ERAP2: variants seen among roughly 807,000 people sequenced by gnomAD.
The protein encoded by ERAP2 is leukocyte-derived arginine aminopeptidase.
Under a neutral mutation model 111.1 loss-of-function variants are expected in ERAP2, and 118 were observed. That is an observed-to-expected ratio of 1.06 (90% confidence interval 0.92 to 1.24). ERAP2 has a LOEUF of 1.24. ERAP2 is among the 50% of genes most tolerant of loss of function. ERAP2 has a pLI of 0.00. For missense variants in ERAP2, 1,131 were observed against 1,125.8 expected (o/e 1.00, Z -0.07); for synonymous variants, 410 against 401.2 (o/e 1.02, Z -0.26).
chr5:96,913,899 T>C (rs1029383046), intron 17 of ERAP2, among the ~76,000 whole-genome samples: 8 of 152,184 alleles, frequency 5.3e-5, no homozygotes, highest in Non-Finnish European at 1.0e-4. Context: ...CTAGAGCCCC[T>C]GTGGAGGTGG....
chr5:96,915,788 T>C lies in ERAP2; in HGVS notation c.2739+19T>C, dbSNP rs371818317. ...GCAAGAGGTTTGTGACTTTCTGTTT[T>C]TAACAATTTCAAAATAAATGTTCAA... On this transcript the variant is annotated intron_variant, in intron 18 of 18. Coordinates refer to ENST00000437043, the MANE Select transcript of ERAP2 (RefSeq NM_022350.5). The C allele has an allele frequency of 2.0e-5, 31 of 1,561,964 alleles. No individual in the cohort carries two copies. The highest frequency in any genetic ancestry group is 2.7e-5 in the Non-Finnish European group (31 of 1,146,670).
intron 5 of ERAP2, among the ~76,000 whole-genome samples, chr5:96,890,489 C>T (rs540883365): frequency 6.6e-6 from 1 of 152,226 alleles, no homozygotes; most frequent in East Asian, 1.9e-4. Flanking sequence ...GGTCCGCAGC[C>T]CTAGGGTTAG....
At position 96,876,533 on chromosome 5, in the gene ERAP2, G is replaced by A. The variant is rs187066064; in HGVS notation, c.-123+6G>A. ...CTGCAGCAGCATGATTTAAGGTAAC[G>A]TATCAACATTTCTCTTGGGTTTGTC... On this transcript the variant is annotated splice_donor_region_variant and intron_variant, in intron 1 of 18. Coordinates refer to ENST00000437043, the MANE Select transcript of ERAP2 (RefSeq NM_022350.5). The A allele has an allele frequency of 3.5e-4, 54 of 152,384 alleles. No individual in the cohort carries two copies. The highest frequency in any genetic ancestry group is 1.2e-3 in the African/African-American group (51 of 41,542). 9.4% of individuals were successfully genotyped at this position (152,384 alleles called of 1,614,324 possible).
At chr5:96,901,920 T>C (rs75734009) in intron 11 of ERAP2, among the ~76,000 whole-genome samples, 6,014 of 152,286 alleles carry the variant, frequency 0.039, 375 homozygotes, top group African/African-American at 0.14. Context: ...GTTTAGTTAT[T>C]TGAATCAGCA....
chr5:96,913,402 G>A lies in ERAP2; in HGVS notation c.2602G>A (p.Gly868Arg), dbSNP rs1344267451. The change falls in exon 17 of 19, where the codon GGG (glycine) becomes AGG (arginine). Residue 868 changes from glycine (G) to arginine (R), a missense_variant. Transcript: ENST00000437043. ...TCATGCGATTGCCAGACGTCCAAAG[G>A]GGCAGCAACTAGCATGGGATTTTGT... ...LLHAIARRPK[G>R]QQLAWDFVRE... 2 of 1,614,050 alleles carry A rather than the reference G, an allele frequency of 1.2e-6. No homozygotes were observed. Among genetic ancestry groups the A allele is most frequent in the Non-Finnish European group, 1.7e-6 (2 of 1,179,974 alleles).
chr5:96,883,504 G>A (rs886695400), intron 2 of ERAP2, among the ~76,000 whole-genome samples: 2 of 152,190 alleles, frequency 1.3e-5, no homozygotes, highest in Admixed American at 1.3e-4. Flanking sequence ...TGCGGATCCT[G>A]CTAAGGTCAT....
chr5:96,911,417 C>T (rs1324185871), intron 15 of ERAP2, among the ~76,000 whole-genome samples: 1 of 152,038 alleles, frequency 6.6e-6, no homozygotes, highest in Non-Finnish European at 1.5e-5. Flanking sequence ...TGGTTAATGT[C>T]CTCAAGATAA....
At chr5:96,908,150 A>AG in intron 13 of ERAP2, among the ~76,000 whole-genome samples, 1 of 152,302 alleles carries the variant, frequency 6.6e-6, no homozygotes, top group East Asian at 1.9e-4. Context: ...AGCCCAGAGG[A>AG]GACACCCTTT....
chr5:96,894,295 C>T (rs1784654878), intron 6 of ERAP2, among the ~76,000 whole-genome samples: 1 of 152,218 alleles, frequency 6.6e-6, no homozygotes, highest in African/African-American at 2.4e-5. Flanking sequence ...GGAAACACCT[C>T]TCCCTTTCCA....
At chr5:96,887,104 C>CAT (rs1162892204) in intron 4 of ERAP2, among the ~76,000 whole-genome samples, 172 of 29,144 alleles carry the variant, frequency 5.9e-3, no homozygotes, top group Non-Finnish European at 0.014. Context: ...TATATATACA[C>CAT]ACACACACAC....
intron 2 of ERAP2, 83 bp downstream of exon 2, chr5:96,880,343 C>A: frequency 8.0e-7 from 1 of 1,251,618 alleles, no homozygotes; most frequent in Non-Finnish European, 1.1e-6. Context: ...CAGACTTCAG[C>A]AGCCATTTAT....
At chr5:96,885,748 G>C (rs113433429) in intron 3 of ERAP2, among the ~76,000 whole-genome samples, 4 of 152,170 alleles carry the variant, frequency 2.6e-5, no homozygotes, top group Non-Finnish European at 5.9e-5. Flanking sequence ...TGAAGAAAAT[G>C]TTTTCAGATT....
chr5:96,883,353 T>C (rs760965749), intron 2 of ERAP2, among the ~76,000 whole-genome samples: 2 of 152,186 alleles, frequency 1.3e-5, no homozygotes, highest in Non-Finnish European at 2.9e-5. Flanking sequence ...AAATACAACT[T>C]AGGACATCAC....
intron 15 of ERAP2, among the ~76,000 whole-genome samples, chr5:96,910,746 T>C (rs1052577266): frequency 6.6e-6 from 1 of 152,228 alleles, no homozygotes; most frequent in Non-Finnish European, 1.5e-5. Context: ...GTTGGTTTTT[T>C]CTAAACTCCA....
chr5:96,919,529 T>C lies in ERAP2; in HGVS notation c.*1924T>C, dbSNP rs1445555052. On this transcript the variant is annotated 3_prime_UTR_variant, in exon 19 of 19. Coordinates refer to ENST00000437043, the MANE Select transcript of ERAP2 (RefSeq NM_022350.5). ...ACCATCAACAATGTTTCCATAAATA[T>C]GCAGAGTTCTTTCTTTTGTATTGTT... 1 of 152,354 alleles carries C rather than the reference T, an allele frequency of 6.6e-6. No individual in the cohort carries two copies. Among genetic ancestry groups the C allele is most frequent in the Non-Finnish European group, 1.5e-5 (1 of 68,030 alleles). 9.4% of individuals were successfully genotyped at this position (152,354 alleles called of 1,614,324 possible). A position where few individuals can be genotyped will look rare whatever the true frequency, so the allele number is the denominator to read the frequency against.
At chr5:96,891,343 A>G (rs937228737) in intron 5 of ERAP2, among the ~76,000 whole-genome samples, 1 of 140,146 alleles carries the variant, frequency 7.1e-6, no homozygotes, top group African/African-American at 2.6e-5. Context: ...ATACCTGTAT[A>G]TGTATATGTG....
chr5:96,912,366 A>G (rs1425628387), intron 15 of ERAP2, among the ~76,000 whole-genome samples: 1 of 151,992 alleles, frequency 6.6e-6, no homozygotes, highest in African/African-American at 2.4e-5. Flanking sequence ...TGTTGATTAC[A>G]TCAACTTTCT....
chr5:96,882,660 C>T (rs991006144), intron 2 of ERAP2, among the ~76,000 whole-genome samples: 1 of 152,248 alleles, frequency 6.6e-6, no homozygotes, highest in Admixed American at 6.5e-5. Context: ...CTTGTTACAA[C>T]CAAAATTTCA....
chr5:96,879,561 T>TAG lies in ERAP2; in HGVS notation c.-122-1_-122dup. ...ATGCTATAAGTGTGTTTTTTTCTTC[T>TAG]AGATTAAATTCATGTATTGAAAATA... On this transcript the variant is annotated splice_polypyrimidine_tract_variant and splice_region_variant and intron_variant, in intron 1 of 18. Transcript: ENST00000437043. The TAG allele has an allele frequency of 1.5e-6, 1 of 677,780 alleles. No individual in the cohort carries two copies. The highest frequency in any genetic ancestry group is 2.7e-5 in the East Asian group (1 of 37,016). 42.0% of individuals were successfully genotyped at this position (677,780 alleles called of 1,614,324 possible). A position where few individuals can be genotyped will look rare whatever the true frequency, so the allele number is the denominator to read the frequency against.
Sources: allele counts gnomAD v4.1 joint callset (sites outside exome capture counted in the v4.1 genomes callset), GRCh38; gene constraint gnomAD v4.1.1; transcripts MANE v1.5; gene names NCBI Gene and HGNC (gene_info 2026-07-23, HGNC 2026-07-21).